Variants in AFAP1 observed in about 807,000 individuals in gnomAD.
AFAP1 encodes actin filament-associated protein 1.
In AFAP1, 75 loss-of-function variants were observed where a neutral mutation model predicts 93.9. The observed-to-expected ratio is 0.80, with a 90% confidence interval of 0.66 to 0.97. AFAP1 has a LOEUF of 0.97. Among genes scored for constraint, AFAP1 ranks in the 50% least tolerant of loss-of-function variants. The pLI is 0.00. For missense variants in AFAP1, 1,201 were observed against 1,050.8 expected, an observed-to-expected ratio of 1.14 and a Z score of -1.98; for synonymous variants, 517 against 430.7, an observed-to-expected ratio of 1.20 and a Z score of -2.48.
At chr4:7,782,484 T>G (rs1332980410) in intron 12 of AFAP1, among the ~76,000 whole-genome samples, 1 of 152,212 alleles carries the variant, frequency 6.6e-6, no homozygotes, top group African/African-American at 2.4e-5. Context: ...CCAAATCTAA[T>G]GGATATAATG....
chr4:7,860,568 G>A (rs1715561391), intron 3 of AFAP1, among the ~76,000 whole-genome samples: 1 of 152,112 alleles, frequency 6.6e-6, no homozygotes, highest in Non-Finnish European at 1.5e-5. Flanking sequence ...CCTCTCAATT[G>A]TGATTTCACA....
intron 13 of AFAP1, 39 bp from the exon 14 acceptor site, chr4:7,778,915 C>A (rs774840801): frequency 7.1e-6 from 10 of 1,412,314 alleles, no homozygotes; most frequent in Middle Eastern, 1.8e-4. Flanking sequence ...AAAATAAACA[C>A]AAAGTCAAAC....
At position 7,819,123 on chromosome 4, in the gene AFAP1, A is replaced by C. The variant is rs562417220; in HGVS notation, c.775T>G (p.Cys259Gly). The change falls in exon 7 of 18, where the codon TGT becomes GGT. Residue 259 changes from cysteine (C) to glycine (G), a missense_variant. Transcript: ENST00000420658. Reference protein sequence around the residue: ...SGCSGPVDSECPPPPSSPVHK... With the variant: ...SGCSGPVDSEGPPPPSSPVHK... Reference sequence around the variant, plus strand: ...ACCGGGGAGCTTGGTGGAGGAGGACACTCTGAATCCACGGGGCCACTACAA... The same window carrying C: ...ACCGGGGAGCTTGGTGGAGGAGGACCCTCTGAATCCACGGGGCCACTACAA... 1 of 1,613,776 alleles carries C rather than the reference A, an allele frequency of 6.2e-7. No individual in the cohort carries two copies. Among genetic ancestry groups the C allele is most frequent in the Non-Finnish European group, 8.5e-7 (1 of 1,179,894 alleles).
At position 7,939,705 on chromosome 4, in the gene AFAP1, G is replaced by T; in HGVS notation, c.-52C>A. 2 of 414,994 alleles carry T rather than the reference G, an allele frequency of 4.8e-6. No homozygotes were observed. Among genetic ancestry groups the T allele is most frequent in the Non-Finnish European group, 9.5e-6 (2 of 209,800 alleles). 25.7% of individuals were successfully genotyped at this position (414,994 alleles called of 1,614,324 possible). On this transcript the variant is annotated 5_prime_UTR_variant, in exon 1 of 18. Coordinates refer to ENST00000420658, the MANE Select transcript of AFAP1 (RefSeq NM_001134647.2). The surrounding 1 kb of genome is among the most constrained non-coding windows in gnomAD (Gnocchi z 5.6). ...CGCTCCTCGCCGCGGCGCCTGGGCC[G>T]ACTGGAGCGCAGCTGAACAGCCGAC...
At chr4:7,792,148 GCTGTAGTGA>G (rs750134849) in intron 11 of AFAP1, among the ~76,000 whole-genome samples, 5 of 152,318 alleles carry the variant, frequency 3.3e-5, no homozygotes, top group Non-Finnish European at 1.5e-5. Flanking sequence ...CTTTTTCTGA[GCTGTAGTGA>G]CACTTCTTCG....
At chr4:7,848,095 GGAAA>G (rs1426960454) in intron 4 of AFAP1, among the ~76,000 whole-genome samples, 6 of 98,598 alleles carry the variant, frequency 6.1e-5, no homozygotes, top group East Asian at 3.3e-4. Flanking sequence ...AGGGAGGGAA[GGAAA>G]GAAGGAAGGA....
chr4:7,901,207 T>C (rs1406187396), intron 1 of AFAP1, among the ~76,000 whole-genome samples: 2 of 152,230 alleles, frequency 1.3e-5, no homozygotes, highest in East Asian at 1.9e-4. Flanking sequence ...TGTGGCCATA[T>C]GCCTGTGCGT....
intron 1 of AFAP1, among the ~76,000 whole-genome samples, chr4:7,897,230 C>T (rs990894358): frequency 5.9e-5 from 9 of 152,152 alleles, no homozygotes; most frequent in African/African-American, 2.2e-4. Flanking sequence ...TTCAAGGAAG[C>T]TGTTGATGAT....
intron 4 of AFAP1, among the ~76,000 whole-genome samples, chr4:7,846,060 A>G (rs933506235): frequency 1.3e-5 from 2 of 152,178 alleles, no homozygotes; most frequent in African/African-American, 4.8e-5. Flanking sequence ...GAGAAACGCG[A>G]TGAGCGAAAG....
chr4:7,814,472 T>G (rs762556800), intron 8 of AFAP1, among the ~76,000 whole-genome samples: 4 of 152,174 alleles, frequency 2.6e-5, no homozygotes, highest in Non-Finnish European at 5.9e-5. Context: ...TGTCTCTGAA[T>G]GCACAGAACA....
intron 6 of AFAP1, among the ~76,000 whole-genome samples, chr4:7,820,003 C>A (rs1439989031): frequency 6.6e-6 from 1 of 152,216 alleles, no homozygotes; most frequent in African/African-American, 2.4e-5. Context: ...GTAGAAAACA[C>A]TCTAGTTGCT....
intron 1 of AFAP1, among the ~76,000 whole-genome samples, chr4:7,880,981 G>A (rs1717808641): frequency 6.6e-6 from 1 of 152,160 alleles, no homozygotes; most frequent in African/African-American, 2.4e-5. Context: ...TTTGCATCCT[G>A]AATTACACTC....
intron 12 of AFAP1, among the ~76,000 whole-genome samples, chr4:7,783,957 G>A (rs1434597708): frequency 6.6e-6 from 1 of 152,218 alleles, no homozygotes; most frequent in Non-Finnish European, 1.5e-5. Context: ...AAATCCAGTG[G>A]TAAGACTGTG....
At chr4:7,891,223 G>C (rs937941020) in intron 1 of AFAP1, among the ~76,000 whole-genome samples, 7 of 152,208 alleles carry the variant, frequency 4.6e-5, no homozygotes, top group African/African-American at 9.7e-5. Context: ...ACTGGCAAAG[G>C]AATCTGCAGG....
intron 9 of AFAP1, among the ~76,000 whole-genome samples, chr4:7,808,550 A>C (rs2149048167): frequency 6.6e-6 from 1 of 151,862 alleles, no homozygotes; most frequent in South Asian, 2.1e-4. Context: ...TTACTGGATG[A>C]AAGACTGACC....
chr4:7,860,636 T>C (rs1430085689), intron 3 of AFAP1, among the ~76,000 whole-genome samples: 1 of 152,130 alleles, frequency 6.6e-6, no homozygotes, highest in Non-Finnish European at 1.5e-5. Context: ...GACATGCTTA[T>C]CCACAGAAGT....
At chr4:7,903,192 T>C (rs1168119273) in intron 1 of AFAP1, among the ~76,000 whole-genome samples, 2 of 152,170 alleles carry the variant, frequency 1.3e-5, no homozygotes, top group African/African-American at 4.8e-5. Flanking sequence ...CATTCATTCA[T>C]TCAACAAATA....
chr4:7,793,585 T>A (rs1481253504), intron 11 of AFAP1, 96 bp downstream of exon 11: 1 of 1,259,068 alleles, frequency 7.9e-7, no homozygotes, highest in East Asian at 2.7e-5. Context: ...GTTTTTCTTC[T>A]GGGTCTATAT....
At chr4:7,785,356 A>G (rs904675402) in intron 12 of AFAP1, among the ~76,000 whole-genome samples, 2 of 151,806 alleles carry the variant, frequency 1.3e-5, no homozygotes, top group African/African-American at 2.4e-5. Context: ...CACCTCCTGC[A>G]TGGATAGATG....
Sources: allele counts gnomAD v4.1 joint callset (sites outside exome capture counted in the v4.1 genomes callset), GRCh38; gene constraint gnomAD v4.1.1; non-coding constraint Gnocchi (gnomAD v3.1); transcripts MANE v1.5; gene names NCBI Gene and HGNC (gene_info 2026-07-23, HGNC 2026-07-21).